The following WWOX variants were observed in gnomAD, a reference collection of about 807,000 sequenced individuals.
WWOX encodes WW domain-containing oxidoreductase.
A neutral mutation model predicts 46.2 loss-of-function variants in WWOX; 69 were observed. The ratio of observed to expected loss-of-function variants is 1.49; its 90% CI spans 1.23 to 1.82. WWOX has a LOEUF of 1.82. Ranked by LOEUF, WWOX falls within the 40% of genes most tolerant of loss-of-function variation. The pLI, the probability that WWOX is intolerant of heterozygous loss-of-function variation, is 0.00. For synonymous variants in WWOX, 359 were observed against 202.6 expected (o/e 1.77, Z -6.56); for missense variants, 919 against 542.6 (o/e 1.69, Z -6.89).
chr16:78,704,872 A>C (rs2048298752), intron 8 of WWOX, among the ~76,000 whole-genome samples: 1 of 149,986 alleles, frequency 6.7e-6, no homozygotes, highest in African/African-American at 2.5e-5. Context: ...GGCCACCCCA[A>C]CTCTTTTATT....
chr16:78,657,350 T>TGCTTCCTCA (rs1195683434), intron 8 of WWOX, among the ~76,000 whole-genome samples: 3 of 152,128 alleles, frequency 2.0e-5, no homozygotes, highest in Non-Finnish European at 2.9e-5. Context: ...GGGACTTTCT[T>TGCTTCCTCA]GCTTCCTCAT....
intron 8 of WWOX, among the ~76,000 whole-genome samples, chr16:79,095,944 G>C (rs1176468150): frequency 6.8e-6 from 1 of 147,380 alleles, no homozygotes; most frequent in Non-Finnish European, 1.5e-5. Context: ...CTGCCTCCCA[G>C]GTTCAAGTGA....
At chr16:78,691,284 G>T (rs906859114) in intron 8 of WWOX, 1 of 702,200 alleles carries the variant, frequency 1.4e-6, no homozygotes, top group South Asian at 1.5e-5. Context: ...CTGATTGTCA[G>T]TGACTTTGGT....
chr16:79,050,378 G>A (rs1417025668), intron 8 of WWOX, among the ~76,000 whole-genome samples: 1 of 152,172 alleles, frequency 6.6e-6, no homozygotes, highest in Non-Finnish European at 1.5e-5. Context: ...GACCAGCAGG[G>A]CTAGACCAGA....
intron 5 of WWOX, among the ~76,000 whole-genome samples, chr16:78,190,299 A>C (rs999304030): frequency 1.3e-5 from 2 of 152,172 alleles, no homozygotes; most frequent in East Asian, 1.9e-4. Flanking sequence ...GGGAGACAGT[A>C]AGAAAGGTGA....
chr16:78,900,730 C>T (rs928276846), intron 8 of WWOX, among the ~76,000 whole-genome samples: 18 of 151,942 alleles, frequency 1.2e-4, no homozygotes, highest in East Asian at 1.2e-3. Flanking sequence ...TCATAAAAAA[C>T]AATTCTACTA....
chr16:79,113,673 GGGTGACCTGGAAGATCTT>G (rs2049458672), intron 8 of WWOX, among the ~76,000 whole-genome samples: 1 of 152,184 alleles, frequency 6.6e-6, no homozygotes, highest in South Asian at 2.1e-4. Context: ...GCTCTCAGCA[GGGTGACCTGGAAGATCTT>G]GGAGTGTAGA....
chr16:78,640,291 A>G (rs1204905886), intron 8 of WWOX, among the ~76,000 whole-genome samples: 1 of 124,176 alleles, frequency 8.1e-6, no homozygotes, highest in Admixed American at 1.1e-4. Flanking sequence ...GCGAATGGAT[A>G]CTATTGAAGG....
rs140406667 is a variant in WWOX, at chr16:78,586,532, C to T, written c.1056+153780C>T. ...TTACTCATTGTCTAATTGAATTCTC[C>T]AACAACCTTGCAATACGCTTGTTAT... On this transcript the variant is annotated intron_variant, in intron 8 of 8. Coordinates refer to ENST00000566780, the MANE Select transcript of WWOX (RefSeq NM_016373.4). Among the ~76,000 whole-genome samples the T allele has an allele frequency of 9.9e-5, 15 of 152,276 alleles. No homozygotes were observed. The East Asian group carries it at 2.5e-3, about 26-fold the overall frequency.
intron 8 of WWOX, among the ~76,000 whole-genome samples, chr16:79,052,129 G>T (rs927252296): frequency 2.6e-5 from 4 of 151,476 alleles, no homozygotes; most frequent in Admixed American, 2.6e-4. Context: ...ATGCTGGTGC[G>T]CTGCACCCAC....
At chr16:78,575,040 T>TATATAAAA (rs2044830465) in intron 8 of WWOX, among the ~76,000 whole-genome samples, 1 of 4,110 alleles carries the variant, frequency 2.4e-4, no homozygotes, top group Non-Finnish European at 4.8e-4. Context: ...TATATATATA[T>TATATAAAA]ATATATATAT....
chr16:78,185,210 G>A (rs2035661012), intron 5 of WWOX, among the ~76,000 whole-genome samples: 1 of 152,198 alleles, frequency 6.6e-6, no homozygotes, highest in Admixed American at 6.5e-5. Flanking sequence ...TGGACTATCA[G>A]AGAATAGCCA....
intron 5 of WWOX, among the ~76,000 whole-genome samples, chr16:78,215,113 A>G (rs1377268821): frequency 1.3e-5 from 2 of 151,776 alleles, no homozygotes; most frequent in Non-Finnish European, 2.9e-5. Context: ...AGATTGCATG[A>G]TATTTCTGGC....
chr16:78,714,323 GC>G (rs1257977631), intron 8 of WWOX, among the ~76,000 whole-genome samples: 1 of 152,074 alleles, frequency 6.6e-6, no homozygotes, highest in African/African-American at 2.4e-5. Flanking sequence ...GAGCAAAGGG[GC>G]GTCTTACATG....
At chr16:78,237,786 T>C (rs980678506) in intron 5 of WWOX, 1 of 152,236 alleles carries the variant, frequency 6.6e-6, no homozygotes, top group Non-Finnish European at 1.5e-5. Flanking sequence ...CAATAAAAAA[T>C]TTGCAGAAAT....
chr16:79,089,027 T>A (rs2048904117), intron 8 of WWOX, among the ~76,000 whole-genome samples: 1 of 152,190 alleles, frequency 6.6e-6, no homozygotes, highest in South Asian at 2.1e-4. Flanking sequence ...TGAAGCCAAT[T>A]TCATTTTGCC....
chr16:78,582,092 C>G (rs1281247363), intron 8 of WWOX, among the ~76,000 whole-genome samples: 4 of 152,202 alleles, frequency 2.6e-5, no homozygotes, highest in Non-Finnish European at 5.9e-5. Flanking sequence ...TCTTTGGTTT[C>G]TCTGCTCTAT....
chr16:78,458,129 C>G (rs941930376), intron 8 of WWOX, among the ~76,000 whole-genome samples: 2 of 151,818 alleles, frequency 1.3e-5, no homozygotes, highest in Non-Finnish European at 2.9e-5. Context: ...CCCCTTGTTT[C>G]TAGAAGAGAA....
chr16:79,082,489 T>C lies in WWOX; in HGVS notation c.1057-129119T>C, dbSNP rs1284813534. On this transcript the variant is annotated intron_variant, in intron 8 of 8. Coordinates refer to ENST00000566780, the MANE Select transcript of WWOX (RefSeq NM_016373.4). ...TACTTCTCTGGCCACTTTATAGACC[T>C]ATGGAGATGTTGAAAGTAGCCCAAA... is the stretch of plus-strand genomic sequence containing the variant. Among the ~76,000 whole-genome samples, 10 of 152,286 alleles carry C rather than the reference T, an allele frequency of 6.6e-5. 1 individual carries two copies. Among genetic ancestry groups the C allele is most frequent in the South Asian group, 6.2e-4 (3 of 4,824 alleles).
Sources: allele counts gnomAD v4.1 joint callset (sites outside exome capture counted in the v4.1 genomes callset), GRCh38; gene constraint gnomAD v4.1.1; transcripts MANE v1.5; gene names NCBI Gene and HGNC (gene_info 2026-07-23, HGNC 2026-07-21).